The following ARSH variants were observed in gnomAD, a reference collection of about 807,000 sequenced individuals.
ARSH encodes the protein arylsulfatase H.
In ARSH, 32 loss-of-function variants were observed where a neutral mutation model predicts 28.7. That is an observed-to-expected ratio of 1.11 (90% CI 0.84 to 1.50). ARSH has a LOEUF of 1.50. ARSH is among the 40% of genes most tolerant of loss of function. The pLI, the probability that ARSH is intolerant of heterozygous loss-of-function variation, is 0.00. For missense variants in ARSH, 440 were observed against 452.4 expected, an observed-to-expected ratio of 0.97 and a Z score of 0.25; for synonymous variants, 176 against 177.3, an observed-to-expected ratio of 0.99 and a Z score of 0.06.
At chrX:3,010,269 T>G (rs750379029) in intron 2 of ARSH, 118 bp downstream of exon 2, 1 of 947,146 alleles carries the variant, frequency 1.1e-6, no homozygotes, top group East Asian at 3.4e-5. Context: ...GGGATCTAAA[T>G]TCAAAGGTGG....
chrX:3,033,073 A>C lies in ARSH; in HGVS notation c.1377A>C (p.Thr459=), dbSNP rs1025024715. The C allele has an allele frequency of 8.3e-7, 1 of 1,209,281 alleles. No individual in the cohort carries two copies. The highest frequency in any genetic ancestry group is 1.8e-5 in the African/African-American group (1 of 57,093). The change falls in exon 9 of 9, where the codon ACA becomes ACC. Residue 459 remains threonine (T), a synonymous_variant. Coordinates refer to ENST00000381130, the MANE Select transcript of ARSH (RefSeq NM_001011719.2). The part of the protein sequence containing the change: ...YVTPKFYPEG[T]GACYGSGICS... ...CTCCTAAATTCTACCCTGAAGGAACAGGTGCCTGCTATGGGAGTGGAATAT... is the reference window on the plus strand; with the variant it reads ...CTCCTAAATTCTACCCTGAAGGAACCGGTGCCTGCTATGGGAGTGGAATAT...
At chrX:3,009,679 A>T (rs2089840812) in intron 1 of ARSH, among the ~76,000 whole-genome samples, 1 of 110,582 alleles carries the variant, frequency 9.0e-6, no homozygotes, top group African/African-American at 3.3e-5. Flanking sequence ...GAAACACATT[A>T]AAATTTTACT....
At chrX:3,023,913 A>C in intron 5 of ARSH, 108 bp from the exon 6 acceptor site, 1 of 896,390 alleles carries the variant, frequency 1.1e-6, no homozygotes, top group East Asian at 3.3e-5. Flanking sequence ...GTAGTGCAGA[A>C]TAACATTGAA....
Position 3,032,991 on chromosome X carries a change from T to A in ARSH, c.1322-27T>A. On this transcript the variant is annotated intron_variant, in intron 8 of 8. Coordinates refer to ENST00000381130, the MANE Select transcript of ARSH (RefSeq NM_001011719.2). ...TCCTAAAATCACCACAAAGATGGTATCATACATAATGCAACTTGTTTTTTA... is the reference window on the plus strand; with the variant it reads ...TCCTAAAATCACCACAAAGATGGTAACATACATAATGCAACTTGTTTTTTA... 3.4e-6 allele frequency: 4 copies of A among 1,189,765 alleles called. No homozygotes were observed. The East Asian group carries it at 1.2e-4, about 35-fold the overall frequency.
At chrX:3,008,285 C>A (rs2089834619) in intron 1 of ARSH, among the ~76,000 whole-genome samples, 4 of 111,582 alleles carry the variant, frequency 3.6e-5, no homozygotes, top group African/African-American at 1.3e-4. Context: ...CTCTTTATTT[C>A]TCTACTCTCT....
intron 2 of ARSH, among the ~76,000 whole-genome samples, chrX:3,012,539 T>TAAAAA: frequency 1.3e-4 from 1 of 7,496 alleles, no homozygotes; most frequent in Non-Finnish European, 2.3e-4. Flanking sequence ...AAACTCCATC[T>TAAAAA]CAAAAAAAAA....
chrX:3,024,288 GA>G (rs60737314), intron 6 of ARSH, 133 bp downstream of exon 6: 66,735 of 461,318 alleles, frequency 0.14, 29 homozygotes, highest in East Asian at 0.2. Context: ...AAGCTAGACC[GA>G]AAAAAAAAAA....
intron 2 of ARSH, among the ~76,000 whole-genome samples, chrX:3,012,603 T>TATATATATATA (rs1555914148): frequency 0.034 from 902 of 26,474 alleles, 73 homozygotes; most frequent in Middle Eastern, 0.053. Context: ...ATATATAATA[T>TATATATATATA]ATATATGTAT....
chrX:3,018,787 T>C (rs891991732), intron 5 of ARSH, 117 bp downstream of exon 5: 1 of 771,843 alleles, frequency 1.3e-6, no homozygotes, highest in Non-Finnish European at 1.8e-6. Flanking sequence ...ACCTGAAAAG[T>C]ATCTGTTTCA....
rs1362181006 is a variant in ARSH at position 3,012,425 on chromosome X, T to C, written c.215-622T>C. Among the ~76,000 whole-genome samples, 4 of 98,441 alleles carry C rather than the reference T, an allele frequency of 4.1e-5. No individual in the cohort carries two copies. In the East Asian group the frequency reaches 1.3e-3, roughly 33 times the overall value. 85.5% of individuals were successfully genotyped at this position (98,441 alleles called of 115,157 possible). The stretch of plus-strand genomic sequence containing the variant: ...CAGGTGTGGTGGCACACATCTGTAA[T>C]TCCAGCTAGGGAGGCGGAGGCACGA... On this transcript the variant is annotated intron_variant, in intron 2 of 8. Coordinates refer to ENST00000381130, the MANE Select transcript of ARSH (RefSeq NM_001011719.2).
chrX:3,024,287 C>T (rs1436437041), intron 6 of ARSH, 132 bp downstream of exon 6: 3 of 684,150 alleles, frequency 4.4e-6, no homozygotes, highest in Admixed American at 5.9e-5. Context: ...TAAGCTAGAC[C>T]GAAAAAAAAA....
intron 5 of ARSH, 91 bp from the exon 6 acceptor site, chrX:3,023,930 T>C: frequency 3.0e-6 from 3 of 1,014,750 alleles, no homozygotes; most frequent in Non-Finnish European, 4.1e-6. Flanking sequence ...TGAAACGCTA[T>C]GTGTAATAAA....
chrX:3,014,316 G>T (rs1216094501), intron 3 of ARSH, among the ~76,000 whole-genome samples: 1 of 111,403 alleles, frequency 9.0e-6, no homozygotes, highest in Non-Finnish European at 1.9e-5. Context: ...TAAAGGGTCT[G>T]GGAAGTGTTG....
chrX:3,016,611 T>C (rs1437194412), intron 4 of ARSH, among the ~76,000 whole-genome samples: 3 of 111,375 alleles, frequency 2.7e-5, no homozygotes, highest in Non-Finnish European at 5.7e-5. Flanking sequence ...AGGGTCTCAC[T>C]CTGTCACTCA....
At chrX:3,019,334 C>T (rs1160652013) in intron 5 of ARSH, among the ~76,000 whole-genome samples, 2 of 107,756 alleles carry the variant, frequency 1.9e-5, no homozygotes, top group Non-Finnish European at 3.8e-5. Flanking sequence ...TAAAAGGGAA[C>T]GTTATTCTGA....
At chrX:3,012,568 AAT>A (rs1183166715) in intron 2 of ARSH, among the ~76,000 whole-genome samples, 510 of 21,763 alleles carry the variant, frequency 0.023, 18 homozygotes, top group Non-Finnish European at 0.026. Flanking sequence ...AAAAAAAAAA[AAT>A]ATATATATAT....
intron 5 of ARSH, among the ~76,000 whole-genome samples, chrX:3,020,458 G>A (rs185669881): frequency 0.014 from 1,423 of 103,640 alleles, 29 homozygotes; most frequent in African/African-American, 0.045. Context: ...GCGCGGTGGC[G>A]GGCGCCTGTA....
intron 3 of ARSH, among the ~76,000 whole-genome samples, chrX:3,014,510 C>T (rs1477540443): frequency 9.0e-6 from 1 of 111,014 alleles, no homozygotes; most frequent in Admixed American, 9.7e-5. Flanking sequence ...TCTCGGTTAC[C>T]TTTCAGTGAG....
At chrX:3,006,842 G>T in intron 1 of ARSH, 138 bp downstream of exon 1, 2 of 457,395 alleles carry the variant, frequency 4.4e-6, no homozygotes, top group South Asian at 6.3e-5. Flanking sequence ...AGAGGTCACT[G>T]GGGAAAATTG....
Sources: allele counts gnomAD v4.1 joint callset (sites outside exome capture counted in the v4.1 genomes callset), GRCh38; gene constraint gnomAD v4.1.1; transcripts MANE v1.5; gene names NCBI Gene and HGNC (gene_info 2026-07-23, HGNC 2026-07-21).